The following ETNPPL variants were observed in gnomAD, a reference collection of about 807,000 sequenced individuals.
ETNPPL encodes alanine--glyoxylate aminotransferase 2-like 1.
In ETNPPL, 30 loss-of-function variants were observed where a neutral mutation model predicts 55.5. That is an observed-to-expected ratio of 0.54 (90% CI 0.40 to 0.73). The LOEUF (loss-of-function observed/expected upper bound fraction) is 0.73. Ranked by LOEUF, ETNPPL falls within the 30% of genes least tolerant of loss-of-function variation. ETNPPL has a pLI of 0.00. For synonymous variants in ETNPPL, 202 were observed against 207.2 expected (o/e 0.98, Z 0.21); for missense variants, 528 against 607.9 (o/e 0.87, Z 1.38).
chr4:108,749,817 C>T (rs1023253449), intron 7 of ETNPPL, among the ~76,000 whole-genome samples: 1 of 152,102 alleles, frequency 6.6e-6, no homozygotes, highest in Non-Finnish European at 1.5e-5. Flanking sequence ...AAGCCATCCT[C>T]CCACCTCAGC....
At position 108,752,953 on chromosome 4, in the gene ETNPPL, C is replaced by G. The variant is rs777936791; in HGVS notation, c.560G>C (p.Ser187Thr). 1 of 1,613,178 alleles carries G rather than the reference C, an allele frequency of 6.2e-7. No individual in the cohort carries two copies. Among genetic ancestry groups the G allele is most frequent in the Non-Finnish European group, 8.5e-7 (1 of 1,179,506 alleles). ...KYREDHADSASAYADEVKKII... is the reference protein window; with the variant it reads ...KYREDHADSATAYADEVKKII... ...TTTCTTCACTTCATCTGCATAAGCA[C>G]TGGCTGAGTCTGCATGGTCTTCTCT... The change falls in exon 6 of 13, where the codon AGT (serine) becomes ACT (threonine). Residue 187 changes from serine to threonine, a missense_variant. Physicochemically the swap from Ser to Thr is moderately conservative, Grantham distance 58. Transcript: ENST00000296486.
intron 5 of ETNPPL, 94 bp downstream of exon 5, chr4:108,754,526 C>A: frequency 1.4e-6 from 1 of 728,826 alleles, no homozygotes; most frequent in South Asian, 1.8e-5. Context: ...TTTAGTTTCT[C>A]TTTCATGGTT....
intron 8 of ETNPPL, 27 bp downstream of exon 8, chr4:108,749,211 G>A (rs369016969): frequency 1.3e-6 from 2 of 1,516,298 alleles, no homozygotes; most frequent in Non-Finnish European, 1.8e-6. Context: ...TTCCTTCTTA[G>A]CATTAAAGTT....
intron 5 of ETNPPL, among the ~76,000 whole-genome samples, chr4:108,753,285 G>A (rs1329493651): frequency 6.6e-6 from 1 of 152,138 alleles, no homozygotes; most frequent in East Asian, 1.9e-4. Context: ...CAACAAATGT[G>A]ATGATAGTAT....
intron 1 of ETNPPL, 114 bp downstream of exon 1, chr4:108,762,729 G>T: frequency 1.5e-6 from 2 of 1,302,536 alleles, no homozygotes; most frequent in South Asian, 1.2e-5. Flanking sequence ...GGCGCGGCGG[G>T]CACGGAGTGC....
chr4:108,752,858 AAGATGTTG>A, intron 6 of ETNPPL, 29 bp downstream of exon 6: 1 of 1,161,556 alleles, frequency 8.6e-7, no homozygotes, highest in South Asian at 1.3e-5. Context: ...CCTTTTATAA[AAGATGTTG>A]AGATGTTTCC....
intron 3 of ETNPPL, 132 bp downstream of exon 3, chr4:108,759,603 CCTAATGTGTGATCA>C: frequency 1.4e-6 from 1 of 724,292 alleles, no homozygotes; most frequent in Non-Finnish European, 2.3e-6. Flanking sequence ...AGGCTAGGTC[CCTAATGTGTGATCA>C]CTTAGTGAAT....
chr4:108,743,796 T>C lies in ETNPPL; in HGVS notation c.1364A>G (p.Lys455Arg). 6.2e-7 allele frequency: 1 copy of C among 1,607,986 alleles called. No individual in the cohort carries two copies. ...AAAGTAGCCAACCCTTACCTTTGTT[T>C]TGCATGGAGTATTCTCAGAGGTCAC... is the stretch of plus-strand genomic sequence containing the variant. ...ESVTSENTPC[K>R]TKMLKEAHIE... Residue 455 changes from lysine to arginine, a missense_variant, in exon 12 of 13, where the codon AAA (lysine) becomes AGA (arginine). Physicochemically the swap from Lys to Arg is conservative, Grantham distance 26. Transcript: ENST00000296486.
At chr4:108,747,439 C>T (rs913197532) in intron 9 of ETNPPL, among the ~76,000 whole-genome samples, 11 of 146,106 alleles carry the variant, frequency 7.5e-5, no homozygotes, top group African/African-American at 2.7e-4. Context: ...GACATATACC[C>T]AAATGTTTTT....
At chr4:108,742,761 A>G in intron 12 of ETNPPL, 149 bp from the exon 13 acceptor site, 1 of 787,750 alleles carries the variant, frequency 1.3e-6, no homozygotes, top group Non-Finnish European at 2.0e-6. Flanking sequence ...TCTCCTCAGT[A>G]TCTTCAATAG....
intron 8 of ETNPPL, among the ~76,000 whole-genome samples, chr4:108,748,587 G>A (rs555087989): frequency 4.5e-4 from 69 of 152,122 alleles, no homozygotes; most frequent in African/African-American, 7.7e-4. Context: ...GTAACAAGTC[G>A]TATTATATAT....
In ETNPPL at chr4:108,749,222, GGAGAC is replaced by G. The variant is rs780646875; in HGVS notation, c.927+11_927+15del. On this transcript the variant is annotated intron_variant, in intron 8 of 12. Coordinates refer to ENST00000296486, the MANE Select transcript of ETNPPL (RefSeq NM_031279.4). Reference sequence around the variant, plus strand: ...ATTTTTCCTTCTTAGCATTAAAGTTGGAGACCAAAATGTACCGTATTAAAATATTC... The same window carrying G: ...ATTTTTCCTTCTTAGCATTAAAGTTGCAAAATGTACCGTATTAAAATATTC... 1,085 of 1,578,826 alleles carry G rather than the reference GGAGAC, an allele frequency of 6.9e-4. 6 individuals are homozygous for G. The African/African-American group carries it at 0.011, about 16-fold the overall frequency.
chr4:108,759,671 A>G (rs932318205), intron 3 of ETNPPL, 78 bp downstream of exon 3: 2 of 1,454,946 alleles, frequency 1.4e-6, no homozygotes, highest in Admixed American at 3.7e-5. Flanking sequence ...TCCACCATGA[A>G]TCAAAAGGAA....
chr4:108,743,819 C>G lies in ETNPPL; in HGVS notation c.1341G>C (p.Val447=). Reference sequence around the variant, plus strand: ...TTTTGCATGGAGTATTCTCAGAGGTCACACTTTCGGTTTTGGTTCCCATAG... The same window carrying G: ...TTTTGCATGGAGTATTCTCAGAGGTGACACTTTCGGTTTTGGTTCCCATAG... ...EEAMGTKTES[V]TSENTPCKTK... Residue 447 remains valine, a synonymous_variant, in exon 12 of 13, where the codon GTG becomes GTC. Coordinates refer to ENST00000296486, the MANE Select transcript of ETNPPL (RefSeq NM_031279.4). 1 of 1,612,166 alleles carries G rather than the reference C, an allele frequency of 6.2e-7. No individual in the cohort carries two copies. The highest frequency in any genetic ancestry group is 8.5e-7 in the Non-Finnish European group (1 of 1,178,376).
chr4:108,747,136 ATATATATATATAAT>A (rs1728556723), intron 9 of ETNPPL, among the ~76,000 whole-genome samples: 1 of 25,878 alleles, frequency 3.9e-5, no homozygotes, highest in Non-Finnish European at 6.5e-5. Flanking sequence ...ATATATATAT[ATATATATATATAAT>A]ATATATATAT....
chr4:108,756,437 C>A lies in ETNPPL; in HGVS notation c.391G>T (p.Asp131Tyr). ...ACTTACTGGTCAAGAGTGATCACAT[C>A]CTGGTGGCCTCTGAACTGCCGAGCC... Reference protein sequence around the residue: ...RLARQFRGHQDVITLDHAYHG... With the variant: ...RLARQFRGHQYVITLDHAYHG... The change falls in exon 4 of 13, where the codon GAT becomes TAT. Residue 131 changes from aspartate (D) to tyrosine (Y), a missense_variant. Asp to Tyr is a radical substitution (Grantham distance 160). Coordinates refer to ENST00000296486, the MANE Select transcript of ETNPPL (RefSeq NM_031279.4). 5 of 1,613,992 alleles carry A rather than the reference C, an allele frequency of 3.1e-6. No individual in the cohort carries two copies. The highest frequency in any genetic ancestry group is 4.2e-6 in the Non-Finnish European group (5 of 1,179,854).
chr4:108,762,747 G>C, intron 1 of ETNPPL, 96 bp downstream of exon 1: 1 of 1,424,660 alleles, frequency 7.0e-7, no homozygotes, highest in Non-Finnish European at 9.9e-7. Flanking sequence ...TGCGGCTGCA[G>C]CGCATCGTTT....
In ETNPPL at chr4:108,759,784, C is replaced by T. The variant is rs11549398; in HGVS notation, c.300G>A (p.Pro100=). ...EYAKRLSATL[P]EKLSVCYFTN... is the part of the protein sequence containing the mutation. ...TAAAATAACAAACAGAGAGTTTCTC[C>T]GGCAGAGTTGCTGAAAGGCGTTTGG... Residue 100 remains proline, a synonymous_variant, in exon 3 of 13, where the codon CCG becomes CCA. Coordinates refer to ENST00000296486, the MANE Select transcript of ETNPPL (RefSeq NM_031279.4). 15 of 1,614,100 alleles carry T rather than the reference C, an allele frequency of 9.3e-6. No homozygotes were observed. In the Admixed American group the frequency reaches 1.2e-4, roughly 13 times the overall value.
chr4:108,749,538 T>A, intron 7 of ETNPPL, 75 bp from the exon 8 acceptor site: 1 of 1,179,306 alleles, frequency 8.5e-7, no homozygotes, highest in Admixed American at 2.3e-5. Flanking sequence ...ATGCAAATTA[T>A]TGAAGACAAA....
Sources: allele counts gnomAD v4.1 joint callset (sites outside exome capture counted in the v4.1 genomes callset), GRCh38; gene constraint gnomAD v4.1.1; transcripts MANE v1.5; gene names NCBI Gene and HGNC (gene_info 2026-07-23, HGNC 2026-07-21).